LY96: variants seen among roughly 807,000 people sequenced by gnomAD.
LY96 encodes lymphocyte antigen 96.
A neutral mutation model predicts 18.9 loss-of-function variants in LY96; 18 were observed. The ratio of observed to expected loss-of-function variants is 0.95; its 90% confidence interval spans 0.66 to 1.41. LY96 has a LOEUF of 1.41. Among genes scored for constraint, LY96 ranks in the 40% most tolerant of loss-of-function variants. The probability of loss-of-function intolerance (pLI) is 0.00; values close to 1 mark genes in which losing one functional copy is unlikely to be tolerated. For missense variants in LY96, 175 were observed against 182.4 expected (o/e 0.96, Z 0.23); for synonymous variants, 66 against 62.6 (o/e 1.06, Z -0.26).
the LY96 span, among the ~76,000 whole-genome samples, chr8:74,093,744 C>G: frequency 1.3e-5 from 2 of 152,182 alleles, no homozygotes; most frequent in African/African-American, 4.8e-5. Context: ...ATATGCCTCT[C>G]TCATGCTTAC....
intron 1 of LY96, among the ~76,000 whole-genome samples, chr8:73,996,385 C>CTTTCTTTCTTT (rs1816141324): frequency 2.4e-5 from 1 of 41,254 alleles, no homozygotes; most frequent in African/African-American, 1.2e-4. Context: ...TTCTTTCTTT[C>CTTTCTTTCTTT]TTTCTTTCTT....
intron 2 of LY96, among the ~76,000 whole-genome samples, chr8:74,009,374 CAAA>C (rs370593442): frequency 4.8e-3 from 281 of 58,848 alleles, no homozygotes; most frequent in African/African-American, 0.013. Flanking sequence ...CAGTCTTTCT[CAAA>C]AAAAAAAAAA....
intron 1 of LY96, among the ~76,000 whole-genome samples, chr8:73,993,531 C>T (rs1816055076): frequency 6.6e-6 from 1 of 152,186 alleles, no homozygotes; most frequent in South Asian, 2.1e-4. Context: ...CAACGACCGC[C>T]TCCTGGGTTC....
chr8:74,019,902 C>G (rs6472813), intron 3 of LY96, among the ~76,000 whole-genome samples: 45,534 of 151,944 alleles, frequency 0.3, 9,325 homozygotes, highest in African/African-American at 0.59. Flanking sequence ...AATAAACTAG[C>G]TATTGATGGA....
chr8:74,096,784 A>G, the LY96 span, among the ~76,000 whole-genome samples: 2 of 152,226 alleles, frequency 1.3e-5, no homozygotes, highest in Non-Finnish European at 2.9e-5. Context: ...TGAATGAAAG[A>G]AAGCTATAGA....
At chr8:73,993,674 C>G (rs1816059072) in intron 1 of LY96, among the ~76,000 whole-genome samples, 1 of 152,194 alleles carries the variant, frequency 6.6e-6, no homozygotes, top group Admixed American at 6.5e-5. Flanking sequence ...AACTCCTGAC[C>G]TCAGGTGATC....
intron 1 of LY96, among the ~76,000 whole-genome samples, chr8:73,996,009 A>G (rs1816118819): frequency 1.3e-5 from 2 of 152,224 alleles, no homozygotes; most frequent in South Asian, 2.1e-4. Context: ...TTAAATCAGG[A>G]TGGCCAGCCA....
At chr8:74,069,314 A>G in the LY96 span, among the ~76,000 whole-genome samples, 5 of 152,210 alleles carry the variant, frequency 3.3e-5, no homozygotes, top group African/African-American at 9.6e-5. Context: ...AGTTTTATCC[A>G]TTTAGGTTTG....
intron 3 of LY96, among the ~76,000 whole-genome samples, chr8:74,021,103 C>T (rs140978656): frequency 1.4e-3 from 218 of 152,252 alleles, no homozygotes; most frequent in African/African-American, 5.0e-3. Flanking sequence ...TTCTGCACAA[C>T]AAAAGAAACT....
chr8:74,062,351 A>C, the LY96 span, among the ~76,000 whole-genome samples: 1 of 152,076 alleles, frequency 6.6e-6, no homozygotes, highest in Non-Finnish European at 1.5e-5. Context: ...CCTACGTATT[A>C]AGCCCAGCAT....
chr8:74,031,800 T>C (rs982886041), downstream of LY96, among the ~76,000 whole-genome samples: 4 of 151,390 alleles, frequency 2.6e-5, no homozygotes, highest in African/African-American at 9.8e-5. Flanking sequence ...ACAGTCAATG[T>C]GGAGGAAGGG....
chr8:74,081,063 TCTTA>T, the LY96 span, among the ~76,000 whole-genome samples: 249 of 127,494 alleles, frequency 2.0e-3, 4 homozygotes, highest in African/African-American at 8.3e-3. Context: ...TTTCTTTCTT[TCTTA>T]CTTTCTTTCT....
At chr8:74,004,667 AATC>A (rs1816371370) in intron 1 of LY96, 126 bp from the exon 2 acceptor site, 1 of 874,400 alleles carries the variant, frequency 1.1e-6, no homozygotes. Flanking sequence ...AGATATTTTC[AATC>A]ATCATCAATT....
rs1333287959 is a variant in LY96 at position 74,002,059 on chromosome 8, C to CT, written c.113-2735dup. 2.9e-3 allele frequency among the ~76,000 whole-genome samples: 114 copies of CT among 39,760 alleles called. 22 individuals are homozygous for CT. In the Middle Eastern group the frequency reaches 0.029, roughly 10 times the overall value. 26.1% of individuals were successfully genotyped at this position (39,760 alleles called of 152,430 possible). ...CCTTCCTTCCTTCCTTCCTTCCTTCCTTCCTTCCTTCCTTCCTTTCTTTCT... is the reference window on the plus strand; with the variant it reads ...CCTTCCTTCCTTCCTTCCTTCCTTCCTTTCCTTCCTTCCTTCCTTTCTTTCT... On this transcript the variant is annotated intron_variant, in intron 1 of 4. Transcript: ENST00000284818.
At chr8:74,088,482 C>A in the LY96 span, among the ~76,000 whole-genome samples, 2 of 152,276 alleles carry the variant, frequency 1.3e-5, no homozygotes, top group South Asian at 4.1e-4. Context: ...CCACATACCC[C>A]CAAGCATCCA....
At chr8:74,092,941 T>C in the LY96 span, among the ~76,000 whole-genome samples, 4 of 152,336 alleles carry the variant, frequency 2.6e-5, no homozygotes, top group East Asian at 7.7e-4. Context: ...AATTATACCA[T>C]GTAATTTGAT....
At chr8:74,098,533 G>A in the LY96 span, among the ~76,000 whole-genome samples, 1 of 151,958 alleles carries the variant, frequency 6.6e-6, no homozygotes, top group Non-Finnish European at 1.5e-5. Context: ...CCACCACCAC[G>A]CCCAGCTAAT....
At chr8:74,002,650 C>A (rs1338273786) in intron 1 of LY96, among the ~76,000 whole-genome samples, 1 of 151,166 alleles carries the variant, frequency 6.6e-6, no homozygotes, top group Non-Finnish European at 1.5e-5. Context: ...TGGCTCACTG[C>A]AACCTCCGCC....
At chr8:74,044,822 T>G in the LY96 span, among the ~76,000 whole-genome samples, 1 of 152,224 alleles carries the variant, frequency 6.6e-6, no homozygotes, top group East Asian at 1.9e-4. Context: ...GTCTCATACA[T>G]TTCAGCTGTC....
Sources: allele counts gnomAD v4.1 joint callset (sites outside exome capture counted in the v4.1 genomes callset), GRCh38; gene constraint gnomAD v4.1.1; transcripts MANE v1.5; gene names NCBI Gene and HGNC (gene_info 2026-07-23, HGNC 2026-07-21).